The following GPC6 variants were observed in gnomAD, a reference collection of about 807,000 sequenced individuals.
The protein encoded by GPC6 is glypican 6, also known as glypican-6.
Under a neutral mutation model 55.2 loss-of-function variants are expected in GPC6, and 14 were observed. That is an observed-to-expected ratio of 0.25 (90% confidence interval 0.17 to 0.40). The LOEUF is 0.40. GPC6 is among the 10% of genes least tolerant of loss of function. The pLI, the probability that GPC6 is intolerant of heterozygous loss-of-function variation, is 1.00. For missense variants in GPC6, 641 were observed against 708.5 expected (o/e 0.90, Z 1.08); for synonymous variants, 278 against 259.6 (o/e 1.07, Z -0.68).
At chr13:94,291,169 G>A (rs1874948923) in intron 5 of GPC6, among the ~76,000 whole-genome samples, 1 of 151,808 alleles carries the variant, frequency 6.6e-6, no homozygotes, top group Admixed American at 6.6e-5. Context: ...CTCTAGCCTG[G>A]GCGAGAGAGC....
chr13:94,153,974 ACTTC>A (rs1451996734), intron 4 of GPC6, among the ~76,000 whole-genome samples: 11 of 152,182 alleles, frequency 7.2e-5, no homozygotes, highest in Non-Finnish European at 1.3e-4. Context: ...ACTATATAAG[ACTTC>A]ATAAAATAAC....
At chr13:94,076,700 A>G (rs1884925978) in intron 4 of GPC6, among the ~76,000 whole-genome samples, 1 of 151,908 alleles carries the variant, frequency 6.6e-6, no homozygotes, top group Admixed American at 6.6e-5. Flanking sequence ...TTTAATGTGA[A>G]TGTCCAGTTT....
chr13:93,964,612 T>C (rs910395910), intron 3 of GPC6, among the ~76,000 whole-genome samples: 3 of 152,200 alleles, frequency 2.0e-5, no homozygotes, highest in African/African-American at 7.2e-5. Context: ...GTAACTTTGT[T>C]TTTAAGAAGT....
At chr13:93,963,025 A>AT (rs143360227) in intron 3 of GPC6, among the ~76,000 whole-genome samples, 3,315 of 152,226 alleles carry the variant, frequency 0.022, 132 homozygotes, top group African/African-American at 0.074. Flanking sequence ...TTAATGGCAT[A>AT]TTTTTATGTG....
At chr13:93,516,693 C>T (rs1881209759) in intron 1 of GPC6, among the ~76,000 whole-genome samples, 1 of 151,884 alleles carries the variant, frequency 6.6e-6, no homozygotes. Context: ...AAAACAAAAC[C>T]AAAAAGGTAT....
intron 6 of GPC6, among the ~76,000 whole-genome samples, chr13:94,369,449 A>C (rs1427237118): frequency 6.6e-6 from 1 of 152,244 alleles, no homozygotes; most frequent in African/African-American, 2.4e-5. Flanking sequence ...CAGAGAATTC[A>C]CATGGGATAC....
chr13:94,253,674 C>T (rs760471630), intron 4 of GPC6, among the ~76,000 whole-genome samples: 7 of 152,022 alleles, frequency 4.6e-5, no homozygotes, highest in Non-Finnish European at 1.0e-4. Flanking sequence ...TCTGGAGAGT[C>T]ATGGTAGTCT....
chr13:93,830,739 G>A, intron 3 of GPC6, 194 bp downstream of exon 3: 2 of 600,764 alleles, frequency 3.3e-6, no homozygotes, highest in South Asian at 2.1e-5. Flanking sequence ...AGAGAGAACA[G>A]GATTTTAAGC....
At chr13:93,596,104 G>A (rs574727689) in intron 2 of GPC6, among the ~76,000 whole-genome samples, 2 of 152,076 alleles carry the variant, frequency 1.3e-5, no homozygotes, top group African/African-American at 4.8e-5. Flanking sequence ...CCTAGCAAGG[G>A]TTAATCTTTG....
At chr13:94,305,872 A>G (rs1875916791) in intron 5 of GPC6, 108 bp from the exon 6 acceptor site, 1 of 1,038,234 alleles carries the variant, frequency 9.6e-7, no homozygotes. Context: ...TATTGGAGGT[A>G]AAAGTTTCAT....
chr13:93,244,453 C>T (rs1337957905), intron 1 of GPC6, among the ~76,000 whole-genome samples: 2 of 152,256 alleles, frequency 1.3e-5, no homozygotes, highest in African/African-American at 4.8e-5. Flanking sequence ...GCAAATCTCG[C>T]TTGGGAGCTT....
At chr13:93,602,675 T>G (rs2139526347) in intron 2 of GPC6, among the ~76,000 whole-genome samples, 1 of 152,254 alleles carries the variant, frequency 6.6e-6, no homozygotes, top group South Asian at 2.1e-4. Flanking sequence ...ATGAAAAATA[T>G]AAAATATGGA....
intron 3 of GPC6, among the ~76,000 whole-genome samples, chr13:93,997,581 A>G (rs925161788): frequency 1.8e-4 from 27 of 148,814 alleles, no homozygotes; most frequent in Non-Finnish European, 2.4e-4. Flanking sequence ...AAGACATAAT[A>G]TGTGTGTGTG....
At chr13:93,647,784 A>G (rs1001129209) in intron 2 of GPC6, among the ~76,000 whole-genome samples, 2 of 152,104 alleles carry the variant, frequency 1.3e-5, no homozygotes, top group Admixed American at 6.5e-5. Flanking sequence ...ATTCTTGCTC[A>G]CATTTCTGTT....
chr13:94,386,455 T>C (rs1880414188), intron 7 of GPC6, among the ~76,000 whole-genome samples: 4 of 152,016 alleles, frequency 2.6e-5, no homozygotes, highest in African/African-American at 9.7e-5. Context: ...CTAGGCATGG[T>C]GGCAGGCGCC....
At chr13:93,273,878 G>A (rs956111787) in intron 1 of GPC6, among the ~76,000 whole-genome samples, 3 of 151,204 alleles carry the variant, frequency 2.0e-5, no homozygotes, top group African/African-American at 7.3e-5. Context: ...GTGCGATCTC[G>A]GCTCACTGCA....
In GPC6 at chr13:94,300,613, C is replaced by T. The variant is rs190213134; in HGVS notation, c.1009-5367C>T. ...ATCTTCCTAAAATCCACAGGTTTTG[C>T]AAGTCAGCTAGGTGGAAGGAGAATT... On this transcript the variant is annotated intron_variant, in intron 5 of 8. Coordinates refer to ENST00000377047, the MANE Select transcript of GPC6 (RefSeq NM_005708.5). Among the ~76,000 whole-genome samples the T allele has an allele frequency of 3.2e-4, 49 of 152,288 alleles. 1 individual carries two copies. The East Asian group carries it at 9.5e-3, about 29-fold the overall frequency.
chr13:93,531,449 G>T (rs1269477883), intron 1 of GPC6, among the ~76,000 whole-genome samples: 2 of 152,042 alleles, frequency 1.3e-5, no homozygotes, highest in African/African-American at 4.8e-5. Flanking sequence ...TCTTCTCCAG[G>T]ATGCCTCAGT....
intron 2 of GPC6, among the ~76,000 whole-genome samples, chr13:93,674,494 C>A (rs9561425): frequency 6.6e-6 from 1 of 151,950 alleles, no homozygotes; most frequent in Admixed American, 6.6e-5. Context: ...CTACAGACCA[C>A]GCTGGTTTAA....
Sources: allele counts gnomAD v4.1 joint callset (sites outside exome capture counted in the v4.1 genomes callset), GRCh38; gene constraint gnomAD v4.1.1; transcripts MANE v1.5; gene names NCBI Gene and HGNC (gene_info 2026-07-23, HGNC 2026-07-21).